The following CNTN4 variants were observed in gnomAD, a reference collection of about 807,000 sequenced individuals.
CNTN4 encodes the protein contactin 4, also known as contactin-4.
A neutral mutation model predicts 122.5 loss-of-function variants in CNTN4; 77 were observed. That is an observed-to-expected ratio of 0.63 (90% confidence interval 0.52 to 0.76). The LOEUF (loss-of-function observed/expected upper bound fraction) is 0.76. Among genes scored for constraint, CNTN4 ranks in the 30% least tolerant of loss-of-function variants. CNTN4 has a pLI of 0.00. For synonymous variants in CNTN4, 512 were observed against 447.0 expected, an observed-to-expected ratio of 1.15 and a Z score of -1.83; for missense variants, 1,256 against 1,259.1, an observed-to-expected ratio of 1.00 and a Z score of 0.04.
chr3:2,973,456 G>A (rs1263479780), intron 13 of CNTN4, among the ~76,000 whole-genome samples: 3 of 151,908 alleles, frequency 2.0e-5, no homozygotes, highest in African/African-American at 4.8e-5. Context: ...AGAGTATTCC[G>A]AAGGCCTGAA....
chr3:2,866,043 A>C (rs2093720522), intron 7 of CNTN4, among the ~76,000 whole-genome samples: 1 of 152,152 alleles, frequency 6.6e-6, no homozygotes, highest in Admixed American at 6.5e-5. Context: ...GTGTATACTT[A>C]ATGAGTGTTT....
chr3:2,275,340 T>C (rs2041462243), intron 2 of CNTN4, among the ~76,000 whole-genome samples: 1 of 152,232 alleles, frequency 6.6e-6, no homozygotes, highest in Non-Finnish European at 1.5e-5. Context: ...ACGTGATTTA[T>C]GTGCTAATTG....
At chr3:2,785,195 G>A (rs1450154023) in intron 6 of CNTN4, among the ~76,000 whole-genome samples, 2 of 151,592 alleles carry the variant, frequency 1.3e-5, no homozygotes, top group Non-Finnish European at 2.9e-5. Context: ...TGGCTTACAT[G>A]ATTATGGAGT....
At chr3:2,271,542 T>C (rs1161429960) in intron 2 of CNTN4, among the ~76,000 whole-genome samples, 1 of 152,192 alleles carries the variant, frequency 6.6e-6, no homozygotes. Context: ...AAAAATGAAA[T>C]GGATTCACAT....
chr3:2,782,316 T>A (rs556547536), intron 6 of CNTN4, among the ~76,000 whole-genome samples: 2 of 152,102 alleles, frequency 1.3e-5, no homozygotes, highest in East Asian at 3.9e-4. Flanking sequence ...AGAATTTTAT[T>A]TGTGGTTTAT....
chr3:2,221,514 A>T (rs1285663481), intron 2 of CNTN4, among the ~76,000 whole-genome samples: 2 of 152,032 alleles, frequency 1.3e-5, no homozygotes, highest in African/African-American at 4.8e-5. Context: ...AAGACAAAAA[A>T]AAAAAGACAA....
Position 2,819,597 on chromosome 3 carries a change from C to T in CNTN4, c.454+16C>T, listed in dbSNP as rs1184558956. The T allele has an allele frequency of 2.0e-6, 3 of 1,528,406 alleles. No homozygotes were observed. The highest frequency in any genetic ancestry group is 2.7e-6 in the Non-Finnish European group (3 of 1,101,812). 94.7% of individuals were successfully genotyped at this position (1,528,406 alleles called of 1,614,324 possible). A position where few individuals can be genotyped will look rare whatever the true frequency, so the allele number is the denominator to read the frequency against. ...CATTCTGGAGGTACATATAAATGAA[C>T]TGACATATGCATGCTTCACTCTCTG... On this transcript the variant is annotated intron_variant, in intron 7 of 24. Transcript: ENST00000418658.
chr3:2,336,411 A>T (rs2043956711), intron 2 of CNTN4, among the ~76,000 whole-genome samples: 1 of 152,306 alleles, frequency 6.6e-6, no homozygotes, highest in African/African-American at 2.4e-5. Flanking sequence ...TTCATGAGCC[A>T]GGAATTTTTA....
chr3:2,307,380 G>A (rs1666351), intron 2 of CNTN4, among the ~76,000 whole-genome samples: 45,877 of 150,958 alleles, frequency 0.3, 8,252 homozygotes, highest in African/African-American at 0.5. Flanking sequence ...GCTTGCAGTG[G>A]GCCGAGATTG....
intron 12 of CNTN4, among the ~76,000 whole-genome samples, chr3:2,910,185 C>G (rs2094284751): frequency 6.6e-6 from 1 of 152,172 alleles, no homozygotes; most frequent in South Asian, 2.1e-4. Context: ...TTAAAGCCAA[C>G]TGAGGGGAGA....
intron 3 of CNTN4, among the ~76,000 whole-genome samples, chr3:2,376,770 T>C (rs997020569): frequency 6.6e-6 from 1 of 152,020 alleles, no homozygotes; most frequent in African/African-American, 2.4e-5. Context: ...TTCTCTCATG[T>C]TGGTTGTGTG....
chr3:2,974,679 C>T (rs1693253463), intron 13 of CNTN4, among the ~76,000 whole-genome samples: 1 of 152,158 alleles, frequency 6.6e-6, no homozygotes, highest in African/African-American at 2.4e-5. Flanking sequence ...TTCTGTGCTT[C>T]CCAGAAGGCA....
At chr3:2,124,460 ACACACACACACAC>A (rs1481784994) in intron 2 of CNTN4, among the ~76,000 whole-genome samples, 126 of 149,202 alleles carry the variant, frequency 8.4e-4, no homozygotes, top group African/African-American at 2.8e-3. Context: ...ACACACACAC[ACACACACACACAC>A]CCCCTTAAGC....
At chr3:2,132,136 T>C (rs2034479730) in intron 2 of CNTN4, among the ~76,000 whole-genome samples, 1 of 152,170 alleles carries the variant, frequency 6.6e-6, no homozygotes, top group Admixed American at 6.5e-5. Flanking sequence ...AGAAGTCTGA[T>C]CATTATGCTG....
At chr3:2,162,113 AATG>A (rs1403057657) in intron 2 of CNTN4, among the ~76,000 whole-genome samples, 1 of 152,202 alleles carries the variant, frequency 6.6e-6, no homozygotes, top group African/African-American at 2.4e-5. Context: ...TGTAGGTGTG[AATG>A]ATAATAAAAT....
chr3:2,643,586 A>T (rs768610083), intron 4 of CNTN4, among the ~76,000 whole-genome samples: 1 of 152,204 alleles, frequency 6.6e-6, no homozygotes, highest in Admixed American at 6.5e-5. Flanking sequence ...GATGCTGAGG[A>T]TATAGCAGTA....
At chr3:2,705,643 A>G (rs2086645378) in intron 4 of CNTN4, among the ~76,000 whole-genome samples, 1 of 83,158 alleles carries the variant, frequency 1.2e-5, no homozygotes. Context: ...TATATATTAT[A>G]TATAAAAAGT....
At chr3:2,443,703 T>C (rs1301102169) in intron 3 of CNTN4, among the ~76,000 whole-genome samples, 2 of 152,172 alleles carry the variant, frequency 1.3e-5, no homozygotes, top group Non-Finnish European at 2.9e-5. Context: ...TTCTCTGATC[T>C]GGTATTAGAC....
intron 16 of CNTN4, among the ~76,000 whole-genome samples, chr3:3,032,301 A>T (rs183353315): frequency 6.6e-6 from 1 of 152,358 alleles, no homozygotes; most frequent in Non-Finnish European, 1.5e-5. Context: ...TAATTAGGAT[A>T]ATGTTCAGAT....
Sources: gnomAD v4.1 joint callset for allele counts (sites outside exome capture counted in the v4.1 genomes callset) on GRCh38, gnomAD v4.1.1 for gene constraint, MANE v1.5 for transcripts, NCBI Gene and HGNC (gene_info 2026-07-23, HGNC 2026-07-21) for gene names.